Variants in MCM3AP observed in about 807,000 individuals in gnomAD.
The protein encoded by MCM3AP is minichromosome maintenance complex component 3 associated protein, also known as germinal-center associated nuclear protein.
In MCM3AP, 126 loss-of-function variants were observed where a neutral mutation model predicts 184.1. That is an observed-to-expected ratio of 0.68 (90% CI 0.59 to 0.79). MCM3AP has a LOEUF of 0.79. Among genes scored for constraint, MCM3AP ranks in the 30% least tolerant of loss-of-function variants. The pLI is 0.00. For synonymous variants in MCM3AP, 1,002 were observed against 979.3 expected (o/e 1.02, Z -0.43); for missense variants, 2,496 against 2,479.2 (o/e 1.01, Z -0.14).
chr21:46,259,220 C>A, intron 15 of MCM3AP, 129 bp from the exon 16 acceptor site: 1 of 823,790 alleles, frequency 1.2e-6, no homozygotes, highest in East Asian at 2.6e-5. Flanking sequence ...CTTTGGAAGG[C>A]CGAAGCGGGT....
Position 46,240,699 on chromosome 21 carries a change from C to A in MCM3AP, c.5633+112G>T, listed in dbSNP as rs141016270. 3.8e-5 allele frequency: 35 copies of A among 913,358 alleles called. No homozygotes were observed. In the African/African-American group the frequency reaches 4.1e-4, roughly 11 times the overall value. 56.6% of individuals were successfully genotyped at this position (913,358 alleles called of 1,614,324 possible). A position where few individuals can be genotyped will look rare whatever the true frequency, so the allele number is the denominator to read the frequency against. On this transcript the variant is annotated intron_variant, in intron 26 of 27. Coordinates refer to ENST00000291688, the MANE Select transcript of MCM3AP (RefSeq NM_003906.5). ...CATCACTAAAACTGTTGCTAATAATCCACCTGCCCTTCTCCATCCTGGCTG... is the reference window on the plus strand; with the variant it reads ...CATCACTAAAACTGTTGCTAATAATACACCTGCCCTTCTCCATCCTGGCTG...
At chr21:46,282,468 A>G (rs147682070) in intron 2 of MCM3AP, among the ~76,000 whole-genome samples, 16 of 152,326 alleles carry the variant, frequency 1.1e-4, no homozygotes, top group South Asian at 2.1e-4. Flanking sequence ...ATAAAGCTAT[A>G]TAACATAAGC....
chr21:46,264,150 G>A lies in MCM3AP; in HGVS notation c.3302C>T (p.Ser1101Phe), dbSNP rs773931663. Residue 1101 changes from serine (S) to phenylalanine (F), a missense_variant, in exon 13 of 28, where the codon TCT (serine) becomes TTT (phenylalanine). This residue lies in a region of MCM3AP where 1,323 missense variants were observed against 1,273.4 expected (regional missense o/e 1.04). Coordinates refer to ENST00000291688, the MANE Select transcript of MCM3AP (RefSeq NM_003906.5). The part of the protein sequence containing the change: ...ALQRDCEEVG[S>F]AGAAYAAAAL... The stretch of plus-strand genomic sequence containing the variant: ...GGCAGCTGCGTAGGCAGCACCCGCA[G>A]AGCCAACTTCCTCACAGTCCCTCTG... 8.7e-6 allele frequency: 14 copies of A among 1,614,006 alleles called. No homozygotes were observed. Among genetic ancestry groups the A allele is most frequent in the South Asian group, 4.4e-5 (4 of 91,082 alleles).
chr21:46,268,903 G>A (rs1050887609), intron 9 of MCM3AP, among the ~76,000 whole-genome samples: 41 of 151,846 alleles, frequency 2.7e-4, no homozygotes, highest in African/African-American at 9.7e-4. Flanking sequence ...GCGTGGTGGC[G>A]GGCTCCTGTA....
At chr21:46,281,213 T>C (rs372305045) in intron 2 of MCM3AP, among the ~76,000 whole-genome samples, 86 of 152,266 alleles carry the variant, frequency 5.6e-4, no homozygotes, top group Non-Finnish European at 1.0e-3. Context: ...AGACAGAAAG[T>C]TTGCGAAGTC....
intron 19 of MCM3AP, chr21:46,252,031 A>AT (rs915410502): frequency 5.8e-5 from 10 of 171,902 alleles, no homozygotes; most frequent in Admixed American, 1.2e-4. Flanking sequence ...TAATCTTTCC[A>AT]TTTTTTTTGT....
chr21:46,281,090 G>A (rs1011285035), intron 2 of MCM3AP, among the ~76,000 whole-genome samples: 1 of 152,204 alleles, frequency 6.6e-6, no homozygotes, highest in Non-Finnish European at 1.5e-5. Flanking sequence ...ACAGGCGTGA[G>A]CCACCGCGCC....
chr21:46,254,822 T>C lies in MCM3AP; in HGVS notation c.3955A>G (p.Thr1319Ala), dbSNP rs750741469. 4.0e-5 allele frequency: 65 copies of C among 1,614,118 alleles called. No homozygotes were observed. The East Asian group carries it at 1.4e-3, about 36-fold the overall frequency. The change falls in exon 18 of 28, where the codon ACA becomes GCA. Residue 1319 changes from threonine (T) to alanine (A), a missense_variant. By Grantham distance (58) the Thr-to-Ala change is moderately conservative. This residue lies in a region of MCM3AP where 1,323 missense variants were observed against 1,273.4 expected (regional missense o/e 1.04). Transcript: ENST00000291688. ...CTRLRRLRNK[T>A]AHQMKVQHFY... ...TGCTGAACCTTCATCTGGTGAGCTG[T>C]CTTGTTTCTGAGCCGCCTTAACCTG...
intron 17 of MCM3AP, among the ~76,000 whole-genome samples, chr21:46,255,767 G>A (rs1000127780): frequency 6.6e-6 from 1 of 151,878 alleles, no homozygotes; most frequent in Non-Finnish European, 1.5e-5. Flanking sequence ...GAAGGGCAGA[G>A]GGCAGAGGTC....
Position 46,236,877 on chromosome 21 carries a change from A to G in MCM3AP, c.5736T>C (p.Ser1912=). ...LYLPQTLVSL[S]HTIEPVMKTS... ...TTTTCATCACAGGTTCAATAGTGTG[A>G]GAAAGAGACACTAGAGTCTGAGGAA... Residue 1912 remains serine (S), a synonymous_variant, in exon 27 of 28, where the codon TCT becomes TCC. Transcript: ENST00000291688. The G allele has an allele frequency of 6.4e-7, 1 of 1,566,720 alleles. No individual in the cohort carries two copies. The highest frequency in any genetic ancestry group is 8.6e-7 in the Non-Finnish European group (1 of 1,162,128).
At chr21:46,274,752 A>G (rs891379315) in intron 6 of MCM3AP, among the ~76,000 whole-genome samples, 4 of 152,030 alleles carry the variant, frequency 2.6e-5, no homozygotes, top group Admixed American at 2.6e-4. Context: ...CCTGGGCAAC[A>G]CGGCAAGACC....
At chr21:46,277,987 C>CA (rs2081277277) in intron 4 of MCM3AP, among the ~76,000 whole-genome samples, 1 of 152,046 alleles carries the variant, frequency 6.6e-6, no homozygotes, top group African/African-American at 2.4e-5. Context: ...CCCATCTCTA[C>CA]AAAAAATTTA....
In MCM3AP at chr21:46,280,586, G is replaced by A. The variant is rs375825695; in HGVS notation, c.1444-11C>T. 3.8e-6 allele frequency: 6 copies of A among 1,586,940 alleles called. No individual in the cohort carries two copies. The African/African-American group carries it at 8.1e-5, about 21-fold the overall frequency. On this transcript the variant is annotated splice_polypyrimidine_tract_variant and intron_variant, in intron 2 of 27. Transcript: ENST00000291688. ...CAGGGCTGCAGATGCCTGGAAAACAGTCCACAACCGCCATGTGTGAGTATA... is the reference window on the plus strand; with the variant it reads ...CAGGGCTGCAGATGCCTGGAAAACAATCCACAACCGCCATGTGTGAGTATA...
chr21:46,272,655 G>C lies in MCM3AP; in HGVS notation c.2371C>G (p.Gln791Glu). The change falls in exon 8 of 28, where the codon CAG becomes GAG. Residue 791 changes from glutamine to glutamate, a missense_variant. Around this residue, in one of 5 missense-constraint regions of MCM3AP, gnomAD observed 105 missense variants for 97.1 expected, o/e 1.08. Transcript: ENST00000291688. ...KCLQSLKEMY[Q>E]DLRNKGVFCA... ...AAGACACCCTTGTTTCTCAGGTCCT[G>C]GTACATCTCCTTCAGGCTCTGCAGG... The C allele has an allele frequency of 6.2e-7, 1 of 1,614,174 alleles. No individual in the cohort carries two copies. The highest frequency in any genetic ancestry group is 1.3e-5 in the African/African-American group (1 of 75,042).
chr21:46,259,110 GC>G lies in MCM3AP; in HGVS notation c.3582-20del, dbSNP rs2081001602. 1.9e-6 allele frequency: 3 copies of G among 1,595,902 alleles called. No individual in the cohort carries two copies. The highest frequency in any genetic ancestry group is 2.7e-5 in the African/African-American group (2 of 74,066). ...TGCATTCCTAGAAACAGGGCAATCA[GC>G]ATGGAAGACACTGCACTTGGGGCCC... On this transcript the variant is annotated intron_variant, in intron 15 of 27. Coordinates refer to ENST00000291688, the MANE Select transcript of MCM3AP (RefSeq NM_003906.5).
intron 6 of MCM3AP, 24 bp downstream of exon 6, chr21:46,275,162 C>A (rs370409607): frequency 4.0e-4 from 646 of 1,604,842 alleles, no homozygotes; most frequent in Non-Finnish European, 5.1e-4. Flanking sequence ...TGCCCACACT[C>A]CACGGGGAGA....
At chr21:46,262,940 C>T (rs1357272951) in intron 13 of MCM3AP, among the ~76,000 whole-genome samples, 2 of 139,056 alleles carry the variant, frequency 1.4e-5, no homozygotes, top group East Asian at 4.3e-4. Context: ...TGCACTCCAG[C>T]CTGGGCGACA....
intron 16 of MCM3AP, 57 bp from the exon 17 acceptor site, chr21:46,257,043 A>G (rs2080964116): frequency 1.3e-6 from 2 of 1,550,970 alleles, no homozygotes; most frequent in Admixed American, 3.8e-5. Flanking sequence ...AAACTGAGAA[A>G]CACATTGCAG....
chr21:46,254,297 C>T, intron 19 of MCM3AP, 95 bp downstream of exon 19: 1 of 1,341,906 alleles, frequency 7.5e-7, no homozygotes, highest in East Asian at 2.3e-5. Flanking sequence ...TTCCGAGTTC[C>T]CATCACACAT....
Sources: gnomAD v4.1 joint callset for allele counts (sites outside exome capture counted in the v4.1 genomes callset) on GRCh38, gnomAD v4.1.1 for gene constraint, gnomAD v4.1.1 regional missense constraint, MANE v1.5 for transcripts, NCBI Gene and HGNC (gene_info 2026-07-23, HGNC 2026-07-21) for gene names.